The following AP4S1 variants were observed in gnomAD, a reference collection of about 807,000 sequenced individuals.
AP4S1 encodes AP-4 complex subunit sigma-1.
Under a neutral mutation model 19.8 loss-of-function variants are expected in AP4S1, and 23 were observed. That is an observed-to-expected ratio of 1.16 (90% CI 0.84 to 1.65). The LOEUF is 1.65. AP4S1 is among the 40% of genes most tolerant of loss of function. The pLI is 0.00. For missense variants in AP4S1, 166 were observed against 172.8 expected, an observed-to-expected ratio of 0.96 and a Z score of 0.22; for synonymous variants, 46 against 54.1, an observed-to-expected ratio of 0.85 and a Z score of 0.66.
chr14:31,080,681 TC>T, intron 5 of AP4S1, 97 bp downstream of exon 5: 1 of 1,545,046 alleles, frequency 6.5e-7, no homozygotes, highest in Non-Finnish European at 8.9e-7. Context: ...TTCAGCAGAG[TC>T]CAGAGTGTTC....
chr14:31,072,284 G>A (rs1887055140), intron 3 of AP4S1, among the ~76,000 whole-genome samples: 1 of 151,838 alleles, frequency 6.6e-6, no homozygotes, highest in South Asian at 2.1e-4. Flanking sequence ...TTATGTTGGT[G>A]AGGCTGGTCT....
chr14:31,071,140 ACCCCTT>A (rs1282628669), intron 3 of AP4S1, among the ~76,000 whole-genome samples: 1 of 151,946 alleles, frequency 6.6e-6, no homozygotes, highest in Non-Finnish European at 1.5e-5. Flanking sequence ...TATTTAGTTC[ACCCCTT>A]CACAAATGCC....
intron 1 of AP4S1, among the ~76,000 whole-genome samples, chr14:31,049,510 T>G (rs1270181163): frequency 1.8e-5 from 1 of 56,364 alleles, no homozygotes. Flanking sequence ...CACACACACA[T>G]AAATTACCCT....
In AP4S1 at chr14:31,066,327, A is replaced by G. The variant is rs756324132; in HGVS notation, c.131A>G (p.Asn44Ser). The change falls in exon 2 of 6, where the codon AAT (asparagine) becomes AGT (serine). Residue 44 changes from asparagine (N) to serine (S), a missense_variant. Transcript: ENST00000542754. The part of the protein sequence containing the change: ...EVIKSCLSRS[N>S]EQCSFIEYKD... ...ATAAAGAGCTGTCTCTCTCGATCCAATGAACAAGTAAGTCTCTGGTTCTCT... is the reference window on the plus strand; with the variant it reads ...ATAAAGAGCTGTCTCTCTCGATCCAGTGAACAAGTAAGTCTCTGGTTCTCT... The G allele has an allele frequency of 6.2e-7, 1 of 1,613,990 alleles. No homozygotes were observed. The highest frequency in any genetic ancestry group is 8.5e-7 in the Non-Finnish European group (1 of 1,179,944).
chr14:31,059,931 AT>A (rs374190974), intron 1 of AP4S1, among the ~76,000 whole-genome samples: 3 of 145,006 alleles, frequency 2.1e-5, no homozygotes, highest in Non-Finnish European at 4.5e-5. Context: ...GGACAAAAAA[AT>A]ATATATATAT....
chr14:31,025,835 T>G lies in AP4S1; in HGVS notation c.-72+48T>G, dbSNP rs995354222. 1.9e-5 allele frequency: 29 copies of G among 1,540,428 alleles called. No individual in the cohort carries two copies. In the Admixed American group the frequency reaches 2.0e-4, roughly 10 times the overall value. On this transcript the variant is annotated intron_variant, in intron 1 of 5. Transcript: ENST00000542754. ...AGGCGCCGGCTCCGGCTGAGTGGAGTCCCCAGCCCCACCCCCCGGCCGGGA... is the reference window on the plus strand; with the variant it reads ...AGGCGCCGGCTCCGGCTGAGTGGAGGCCCCAGCCCCACCCCCCGGCCGGGA...
intron 5 of AP4S1, among the ~76,000 whole-genome samples, chr14:31,088,837 T>A (rs1304346710): frequency 6.8e-6 from 1 of 146,024 alleles, no homozygotes; most frequent in African/African-American, 2.5e-5. Context: ...AAAAGTCCTT[T>A]TCAGTGGCCT....
At chr14:31,081,179 A>G (rs558287098) in intron 5 of AP4S1, among the ~76,000 whole-genome samples, 3 of 152,256 alleles carry the variant, frequency 2.0e-5, no homozygotes, top group Middle Eastern at 3.4e-3. Context: ...ATTTCCTTTA[A>G]GCATATGGAA....
At chr14:31,083,793 T>C (rs1594711985) in intron 5 of AP4S1, 1 of 327,226 alleles carries the variant, frequency 3.1e-6, no homozygotes, top group East Asian at 7.7e-5. Flanking sequence ...TCTTAAAAGG[T>C]TACTACCCTT....
intron 1 of AP4S1, among the ~76,000 whole-genome samples, chr14:31,037,908 C>T (rs1049351660): frequency 6.6e-6 from 1 of 152,192 alleles, no homozygotes; most frequent in African/African-American, 2.4e-5. Flanking sequence ...GCTATGATCA[C>T]ACCACTATAC....
intron 1 of AP4S1, among the ~76,000 whole-genome samples, chr14:31,037,679 G>A (rs993912863): frequency 3.3e-5 from 5 of 152,178 alleles, no homozygotes; most frequent in Non-Finnish European, 5.9e-5. Flanking sequence ...GCTGGATGCA[G>A]TGGCTCATGC....
chr14:31,090,474 C>T (rs1417367108), intron 5 of AP4S1, among the ~76,000 whole-genome samples: 1 of 152,190 alleles, frequency 6.6e-6, no homozygotes, highest in African/African-American at 2.4e-5. Context: ...TCAGCTCAAC[C>T]TTAGGGAGCC....
intron 1 of AP4S1, among the ~76,000 whole-genome samples, chr14:31,044,333 A>G (rs767045888): frequency 1.1e-4 from 17 of 151,956 alleles, no homozygotes; most frequent in Non-Finnish European, 1.6e-4. Flanking sequence ...GGAGAAACAC[A>G]TTATATGTCT....
At chr14:31,037,727 A>G (rs1166319249) in intron 1 of AP4S1, among the ~76,000 whole-genome samples, 1 of 152,116 alleles carries the variant, frequency 6.6e-6, no homozygotes, top group Non-Finnish European at 1.5e-5. Flanking sequence ...AGGTGGGAGG[A>G]TTGTTTGAGC....
intron 5 of AP4S1, among the ~76,000 whole-genome samples, chr14:31,081,281 A>G (rs1887625278): frequency 6.6e-6 from 1 of 152,256 alleles, no homozygotes. Context: ...CTAAATCTCT[A>G]GAAATCCCCT....
intron 5 of AP4S1, among the ~76,000 whole-genome samples, chr14:31,084,537 T>G (rs913224831): frequency 2.0e-5 from 3 of 152,210 alleles, no homozygotes; most frequent in Non-Finnish European, 4.4e-5. Context: ...TCTGGTGCAG[T>G]GGTGTCAGGT....
At chr14:31,072,697 A>G (rs150156328) in intron 3 of AP4S1, among the ~76,000 whole-genome samples, 71 of 152,320 alleles carry the variant, frequency 4.7e-4, no homozygotes, top group Middle Eastern at 6.8e-3. Context: ...GTTAAGGTTT[A>G]TCTACATTTC....
intron 1 of AP4S1, among the ~76,000 whole-genome samples, chr14:31,060,376 A>C (rs987864715): frequency 1.3e-5 from 2 of 152,166 alleles, no homozygotes. Flanking sequence ...CCAAGGGTTG[A>C]CTGTAATGAA....
intron 4 of AP4S1, among the ~76,000 whole-genome samples, chr14:31,074,280 C>T (rs1463133346): frequency 6.6e-6 from 1 of 151,522 alleles, no homozygotes; most frequent in Non-Finnish European, 1.5e-5. Context: ...AGCCAACATC[C>T]CACCACTGCA....
Sources: allele counts gnomAD v4.1 joint callset (sites outside exome capture counted in the v4.1 genomes callset), GRCh38; gene constraint gnomAD v4.1.1; transcripts MANE v1.5; gene names NCBI Gene and HGNC (gene_info 2026-07-23, HGNC 2026-07-21).